ANKRD6: variants seen among roughly 807,000 people sequenced by gnomAD.
ANKRD6 encodes the protein ankyrin repeat domain 6.
A neutral mutation model predicts 82.3 loss-of-function variants in ANKRD6; 56 were observed. That is an observed-to-expected ratio of 0.68 (90% CI 0.55 to 0.85). ANKRD6 has a LOEUF of 0.85. ANKRD6 is among the 40% of genes least tolerant of loss of function. The pLI is 0.00. For missense variants in ANKRD6, 852 were observed against 907.6 expected (o/e 0.94, Z 0.79); for synonymous variants, 347 against 352.1 (o/e 0.99, Z 0.16).
intron 1 of ANKRD6, among the ~76,000 whole-genome samples, chr6:89,507,538 A>G (rs914548320): frequency 7.2e-5 from 11 of 152,214 alleles, no homozygotes; most frequent in African/African-American, 2.7e-4. Flanking sequence ...AGCTAGCCTA[A>G]TTAGTTTGGG....
chr6:89,515,276 A>G (rs1161680658), intron 1 of ANKRD6, among the ~76,000 whole-genome samples: 1 of 152,124 alleles, frequency 6.6e-6, no homozygotes, highest in East Asian at 1.9e-4. Context: ...CAGTTTTTCT[A>G]CCTTTGTGTT....
At chr6:89,629,594 G>A in intron 15 of ANKRD6, 1 of 314,198 alleles carries the variant, frequency 3.2e-6, no homozygotes, top group East Asian at 7.6e-5. Context: ...CTTGCCTTTT[G>A]TGCCTTTTAC....
chr6:89,631,866 A>C lies in ANKRD6; in HGVS notation c.*862A>C, dbSNP rs1807471207. On this transcript the variant is annotated 3_prime_UTR_variant, in exon 16 of 16. Coordinates refer to ENST00000339746, the MANE Select transcript of ANKRD6 (RefSeq NM_001242809.2). ...TGAGATTTTTGCTCTACATTTTATA[A>C]TGAATAAGGCTATTTTTTGAAAGTA... 2 of 152,210 alleles carry C rather than the reference A, an allele frequency of 1.3e-5. No individual in the cohort carries two copies. Among genetic ancestry groups the C allele is most frequent in the African/African-American group, 4.8e-5 (2 of 41,456 alleles). 9.4% of individuals were successfully genotyped at this position (152,210 alleles called of 1,614,324 possible).
rs1430666280 is a variant in ANKRD6, at chr6:89,623,994, C to T, written c.1155C>T (p.Pro385=). The T allele has an allele frequency of 6.2e-7, 1 of 1,612,496 alleles. No homozygotes were observed. The highest frequency in any genetic ancestry group is 1.3e-5 in the African/African-American group (1 of 74,776). Residue 385 remains proline, a synonymous_variant, in exon 12 of 16, where the codon CCC becomes CCT. Transcript: ENST00000339746. ...ATCGGTGTTCATCCCCACCCCCACCCCATGAGTTCAGGGCGTATCAGCTCT... is the reference window on the plus strand; with the variant it reads ...ATCGGTGTTCATCCCCACCCCCACCTCATGAGTTCAGGGCGTATCAGCTCT... ...NRHRCSSPPP[P]HEFRAYQLYT...
intron 1 of ANKRD6, among the ~76,000 whole-genome samples, chr6:89,492,095 G>A (rs918356086): frequency 8.5e-5 from 13 of 152,298 alleles, no homozygotes; most frequent in African/African-American, 3.1e-4. Flanking sequence ...GCTTTTCTCT[G>A]GTTAATCTTT....
At chr6:89,614,969 A>C (rs931214738) in intron 7 of ANKRD6, among the ~76,000 whole-genome samples, 2 of 152,200 alleles carry the variant, frequency 1.3e-5, no homozygotes, top group Admixed American at 6.5e-5. Context: ...TTCCCATAAA[A>C]TTGGGCATAT....
intron 1 of ANKRD6, among the ~76,000 whole-genome samples, chr6:89,558,900 A>G (rs1428445306): frequency 6.6e-6 from 1 of 152,192 alleles, no homozygotes; most frequent in African/African-American, 2.4e-5. Context: ...AAAGTCTATC[A>G]GTGAAGATAA....
intron 1 of ANKRD6, among the ~76,000 whole-genome samples, chr6:89,471,476 T>C (rs188882772): frequency 1.4e-3 from 212 of 150,776 alleles, no homozygotes; most frequent in African/African-American, 5.0e-3. Flanking sequence ...AGAGTAAGTA[T>C]ATATAGACAG....
At position 89,566,875 on chromosome 6, in the gene ANKRD6, T is replaced by A. The variant is rs922208269; in HGVS notation, c.-102T>A. 4 of 1,452,808 alleles carry A rather than the reference T, an allele frequency of 2.8e-6. No homozygotes were observed. The highest frequency in any genetic ancestry group is 3.7e-6 in the Non-Finnish European group (4 of 1,073,476). 90.0% of individuals were successfully genotyped at this position (1,452,808 alleles called of 1,614,324 possible). A position where few individuals can be genotyped will look rare whatever the true frequency, so the allele number is the denominator to read the frequency against. ...ATTCATAAAGACATCTTCTGATGAT[T>A]GTGAACATCTTTACCTCTGGGTGCC... On this transcript the variant is annotated 5_prime_UTR_variant, in exon 2 of 16. Coordinates refer to ENST00000339746, the MANE Select transcript of ANKRD6 (RefSeq NM_001242809.2).
intron 1 of ANKRD6, among the ~76,000 whole-genome samples, chr6:89,444,601 T>C (rs1771830004): frequency 6.6e-6 from 1 of 152,240 alleles, no homozygotes; most frequent in Non-Finnish European, 1.5e-5. Flanking sequence ...TTATAACTAA[T>C]TAGATATTTT....
intron 9 of ANKRD6, chr6:89,619,823 A>G (rs1471221699): frequency 6.6e-6 from 1 of 152,192 alleles, no homozygotes; most frequent in African/African-American, 2.4e-5. Context: ...CGTGGATTTT[A>G]AATGGGCCAC....
At chr6:89,551,605 A>G (rs1732016807) in intron 1 of ANKRD6, among the ~76,000 whole-genome samples, 1 of 152,194 alleles carries the variant, frequency 6.6e-6, no homozygotes, top group Non-Finnish European at 1.5e-5. Context: ...TCCATCATCT[A>G]CCACAGCAAA....
intron 1 of ANKRD6, among the ~76,000 whole-genome samples, chr6:89,450,227 C>T (rs1456150721): frequency 6.6e-6 from 1 of 151,904 alleles, no homozygotes; most frequent in Admixed American, 6.6e-5. Context: ...ATCCCAGCTA[C>T]TCGGGAGGCT....
In ANKRD6 at chr6:89,542,195, C is replaced by T. The variant is rs543078576; in HGVS notation, c.-143-24639C>T. Among the ~76,000 whole-genome samples, 32 of 152,260 alleles carry T rather than the reference C, an allele frequency of 2.1e-4. 1 individual carries two copies. The highest frequency in any genetic ancestry group is 6.7e-4 in the African/African-American group (28 of 41,552). ...AACGTGCTCTTCTGTTTCTGTATTT[C>T]GTGTACCTTGGTAGTTAGATTTCCT... On this transcript the variant is annotated intron_variant, in intron 1 of 15. Coordinates refer to ENST00000339746, the MANE Select transcript of ANKRD6 (RefSeq NM_001242809.2).
chr6:89,498,007 A>G (rs1487362651), intron 1 of ANKRD6, among the ~76,000 whole-genome samples: 1 of 152,206 alleles, frequency 6.6e-6, no homozygotes, highest in Non-Finnish European at 1.5e-5. Flanking sequence ...TTCATTGCGC[A>G]TAATGTTTTT....
chr6:89,571,752 G>A (rs1269321511), intron 2 of ANKRD6, among the ~76,000 whole-genome samples: 1 of 152,166 alleles, frequency 6.6e-6, no homozygotes, highest in East Asian at 1.9e-4. Context: ...GTTACAACTG[G>A]TGAGCCTATA....
chr6:89,600,606 G>C (rs960396581), intron 3 of ANKRD6, among the ~76,000 whole-genome samples: 1 of 152,168 alleles, frequency 6.6e-6, no homozygotes, highest in African/African-American at 2.4e-5. Context: ...CAGTCGCGTG[G>C]TTCTTGCTAA....
intron 1 of ANKRD6, among the ~76,000 whole-genome samples, chr6:89,559,467 T>G (rs1278923158): frequency 6.6e-6 from 1 of 152,200 alleles, no homozygotes; most frequent in Admixed American, 6.5e-5. Flanking sequence ...CAATATATGC[T>G]TGGTACTCCA....
intron 9 of ANKRD6, chr6:89,618,335 CGCAGGACAGG>C: frequency 3.2e-6 from 2 of 620,264 alleles, no homozygotes; most frequent in South Asian, 3.8e-5. Flanking sequence ...TTTAAGACAT[CGCAGGACAGG>C]GCCATGATTG....
Sources: gnomAD v4.1 joint callset for allele counts (sites outside exome capture counted in the v4.1 genomes callset) on GRCh38, gnomAD v4.1.1 for gene constraint, MANE v1.5 for transcripts, NCBI Gene and HGNC (gene_info 2026-07-23, HGNC 2026-07-21) for gene names.